The following ZFR variants were observed in gnomAD, a reference collection of about 807,000 sequenced individuals.
ZFR encodes the protein zinc finger RNA-binding protein.
A neutral mutation model predicts 130.7 loss-of-function variants in ZFR; 19 were observed. That is an observed-to-expected ratio of 0.15 (90% CI 0.10 to 0.21). The LOEUF (loss-of-function observed/expected upper bound fraction) is 0.21, where lower values mean the gene tolerates loss of function less well. Among genes scored for constraint, ZFR ranks in the 10% least tolerant of loss-of-function variants. The probability of loss-of-function intolerance (pLI) is 1.00; values close to 1 mark genes in which losing one functional copy is unlikely to be tolerated. For missense variants in ZFR, 872 were observed against 1,321.5 expected, an observed-to-expected ratio of 0.66 and a Z score of 5.27; for synonymous variants, 466 against 456.9, an observed-to-expected ratio of 1.02 and a Z score of -0.25.
At chr5:32,355,981 C>T (rs368877411) in intron 19 of ZFR, 42 bp from the exon 20 acceptor site, 114 of 1,524,686 alleles carry the variant, frequency 7.5e-5, no homozygotes, top group Non-Finnish European at 8.9e-5. Context: ...ATTGAAAAAC[C>T]CCAAGTAGTA....
At chr5:32,387,501 CT>C in intron 14 of ZFR, 47 bp downstream of exon 14, 1 of 1,597,214 alleles carries the variant, frequency 6.3e-7, no homozygotes, top group East Asian at 2.3e-5. Flanking sequence ...CCGCCAAAAA[CT>C]TCTGAACCAG....
chr5:32,359,964 A>G (rs1293265750), intron 19 of ZFR, among the ~76,000 whole-genome samples: 1 of 151,720 alleles, frequency 6.6e-6, no homozygotes, highest in African/African-American at 2.4e-5. Context: ...AAAAAAAAAG[A>G]AAGAAAAATT....
chr5:32,370,220 C>A (rs1752633107), intron 17 of ZFR, among the ~76,000 whole-genome samples: 1 of 150,816 alleles, frequency 6.6e-6, no homozygotes, highest in Non-Finnish European at 1.5e-5. Flanking sequence ...GGCCACTGTG[C>A]CCAGCACAAT....
At chr5:32,388,734 AT>A (rs967080741) in intron 12 of ZFR, 60 bp from the exon 13 acceptor site, 14 of 1,371,290 alleles carry the variant, frequency 1.0e-5, no homozygotes, top group Non-Finnish European at 1.4e-5. Context: ...AGCAAATTAT[AT>A]TTTTCAACTA....
chr5:32,384,644 T>C (rs1752996787), intron 15 of ZFR, among the ~76,000 whole-genome samples: 1 of 152,120 alleles, frequency 6.6e-6, no homozygotes, highest in Admixed American at 6.5e-5. Flanking sequence ...CTCAACAAGA[T>C]GTATAAAAAC....
chr5:32,384,615 T>G (rs957547634), intron 15 of ZFR, among the ~76,000 whole-genome samples: 1 of 152,134 alleles, frequency 6.6e-6, no homozygotes, highest in Admixed American at 6.5e-5. Context: ...GAAATATTAG[T>G]GTAGACTGTT....
chr5:32,416,903 C>A (rs1289730752), intron 4 of ZFR, among the ~76,000 whole-genome samples: 1 of 78,286 alleles, frequency 1.3e-5, no homozygotes, highest in African/African-American at 4.8e-5. Context: ...AAGGAAGTGC[C>A]CATTTTTTTT....
chr5:32,387,480 C>T, intron 14 of ZFR, 69 bp downstream of exon 14: 5 of 1,566,728 alleles, frequency 3.2e-6, no homozygotes, highest in Non-Finnish European at 4.3e-6. Context: ...TAAACCGAAG[C>T]ACAGTCAGTC....
chr5:32,379,020 C>T, intron 17 of ZFR, 95 bp downstream of exon 17: 2 of 894,140 alleles, frequency 2.2e-6, no homozygotes, highest in South Asian at 1.7e-5. Context: ...TTAGTAAATG[C>T]AAATAAGGCT....
rs547393266 is a variant in ZFR at position 32,423,213 on chromosome 5, G to A, written c.138-3110C>T. 8.1e-4 allele frequency among the ~76,000 whole-genome samples: 124 copies of A among 152,224 alleles called. 3 individuals are homozygous for A. In the South Asian group the frequency reaches 0.025, roughly 31 times the overall value. The stretch of plus-strand genomic sequence containing the variant: ...CCGCGTGTCGTGGCATGCATCTGTA[G>A]TCTCAGGTATTTGGGTGGCTGAGAC... On this transcript the variant is annotated intron_variant, in intron 2 of 19. Transcript: ENST00000265069.
Position 32,400,069 on chromosome 5 carries a change from G to T in ZFR, c.1651C>A (p.Pro551Thr). 6.2e-7 allele frequency: 1 copy of T among 1,613,424 alleles called. No homozygotes were observed. The highest frequency in any genetic ancestry group is 2.2e-5 in the East Asian group (1 of 44,870). Residue 551 changes from proline to threonine, a missense_variant, in exon 9 of 20, where the codon CCT becomes ACT. Transcript: ENST00000265069. ...KQDTVSEPVT[P>T]ASLAALQSDV... Reference sequence around the variant, plus strand: ...CTCTGTAAAGCAGCAAGAGATGCAGGTGTGACTGGTTCTGACACTGTGTCT... The same window carrying T: ...CTCTGTAAAGCAGCAAGAGATGCAGTTGTGACTGGTTCTGACACTGTGTCT...
chr5:32,393,211 AT>A (rs575340115), intron 11 of ZFR, among the ~76,000 whole-genome samples: 3 of 152,188 alleles, frequency 2.0e-5, no homozygotes, highest in South Asian at 2.1e-4. Flanking sequence ...CTGTGGAATA[AT>A]TTTTTTACTG....
At chr5:32,418,184 C>T (rs1043563967) in intron 3 of ZFR, among the ~76,000 whole-genome samples, 5 of 151,538 alleles carry the variant, frequency 3.3e-5, no homozygotes, top group Non-Finnish European at 4.4e-5. Context: ...GGCATGAACC[C>T]GGGAGGCGGA....
chr5:32,399,679 T>TTTTGCTGCTCA (rs1753399925), intron 9 of ZFR, among the ~76,000 whole-genome samples: 1 of 152,230 alleles, frequency 6.6e-6, no homozygotes, highest in Non-Finnish European at 1.5e-5. Context: ...TTATCAACAT[T>TTTTGCTGCTCA]TTTGCTGCTC....
At chr5:32,435,505 CAT>C (rs1243789266) in intron 2 of ZFR, among the ~76,000 whole-genome samples, 2 of 152,164 alleles carry the variant, frequency 1.3e-5, no homozygotes, top group African/African-American at 4.8e-5. Context: ...ATTTACATTT[CAT>C]AGAGACCATT....
chr5:32,404,157 T>C (rs1753528991), intron 6 of ZFR, 60 bp from the exon 7 acceptor site: 1 of 1,439,052 alleles, frequency 6.9e-7, no homozygotes, highest in African/African-American at 1.4e-5. Flanking sequence ...ATTAAGATTA[T>C]TCAATTCTCA....
Position 32,403,166 on chromosome 5 carries a change from A to G in ZFR, c.1456T>C (p.Ser486Pro), listed in dbSNP as rs1311336347. The change falls in exon 8 of 20, where the codon TCA becomes CCA. Residue 486 changes from serine to proline, a missense_variant. By Grantham distance (74) the Ser-to-Pro change is moderately conservative. Coordinates refer to ENST00000265069, the MANE Select transcript of ZFR (RefSeq NM_016107.5). ...GCAGCCATATTTGTAGGCACTGCTG[A>G]TACTTTAGTGTTAGATGTGCTATTA... ...SLNSTSNTKV[S>P]AVPTNMAAKK... The G allele has an allele frequency of 1.9e-6, 3 of 1,614,078 alleles. No individual in the cohort carries two copies. Among genetic ancestry groups the G allele is most frequent in the African/African-American group, 1.3e-5 (1 of 74,932 alleles).
intron 15 of ZFR, among the ~76,000 whole-genome samples, chr5:32,385,052 T>C (rs1753015463): frequency 6.6e-6 from 1 of 152,100 alleles, no homozygotes; most frequent in Admixed American, 6.6e-5. Context: ...TGTATAAAAA[T>C]GCCTCTTAAA....
chr5:32,404,131 C>T (rs1322373568), intron 6 of ZFR, 34 bp from the exon 7 acceptor site: 5 of 1,542,018 alleles, frequency 3.2e-6, no homozygotes, highest in East Asian at 2.3e-5. Flanking sequence ...TTTTGCTTCA[C>T]TAATTTTCTT....
Sources: gnomAD v4.1 joint callset for allele counts (sites outside exome capture counted in the v4.1 genomes callset) on GRCh38, gnomAD v4.1.1 for gene constraint, MANE v1.5 for transcripts, NCBI Gene and HGNC (gene_info 2026-07-23, HGNC 2026-07-21) for gene names.